Variants in MCC observed in about 807,000 individuals in gnomAD.
MCC encodes MCC regulator of Wnt signaling pathway.
Under a neutral mutation model 116.2 loss-of-function variants are expected in MCC, and 90 were observed. The ratio of observed to expected loss-of-function variants is 0.77; its 90% confidence interval spans 0.65 to 0.92. The LOEUF (loss-of-function observed/expected upper bound fraction) is 0.92, where lower values mean the gene tolerates loss of function less well. Among genes scored for constraint, MCC ranks in the 40% least tolerant of loss-of-function variants. The pLI, the probability that MCC is intolerant of heterozygous loss-of-function variation, is 0.00. For missense variants in MCC, 1,516 were observed against 1,312.2 expected (o/e 1.16, Z -2.40); for synonymous variants, 578 against 510.5 (o/e 1.13, Z -1.78).
chr5:113,092,206 A>G (rs1280467048), intron 8 of MCC, among the ~76,000 whole-genome samples: 2 of 152,216 alleles, frequency 1.3e-5, no homozygotes, highest in East Asian at 1.9e-4. Context: ...GTAGAGTATC[A>G]TGGATCATCT....
intron 10 of MCC, among the ~76,000 whole-genome samples, chr5:113,083,609 T>C (rs1297036003): frequency 6.6e-6 from 1 of 152,186 alleles, no homozygotes; most frequent in Non-Finnish European, 1.5e-5. Flanking sequence ...GCTCTTACAG[T>C]CCCAGGGGGT....
chr5:113,163,539 C>T (rs986098373), intron 3 of MCC, among the ~76,000 whole-genome samples: 7 of 152,012 alleles, frequency 4.6e-5, no homozygotes, highest in Non-Finnish European at 1.0e-4. Context: ...ACATCATATC[C>T]TAACATTTTT....
chr5:113,132,437 T>TACACACATAC (rs1758506205), intron 5 of MCC, among the ~76,000 whole-genome samples: 96 of 75,464 alleles, frequency 1.3e-3, no homozygotes, highest in African/African-American at 4.2e-3. Context: ...CATATATATA[T>TACACACATAC]ATATATACAC....
At chr5:113,255,961 A>T (rs1275784133) in intron 3 of MCC, among the ~76,000 whole-genome samples, 2 of 152,232 alleles carry the variant, frequency 1.3e-5, no homozygotes, top group African/African-American at 4.8e-5. Flanking sequence ...ATTTGATCTG[A>T]TTCAGCCACA....
chr5:113,180,186 T>C (rs1761548950), intron 3 of MCC, among the ~76,000 whole-genome samples: 1 of 152,294 alleles, frequency 6.6e-6, no homozygotes, highest in South Asian at 2.1e-4. Context: ...CTACTTATCG[T>C]CACGTGTTTT....
At chr5:113,226,465 G>A (rs1465683062) in intron 3 of MCC, among the ~76,000 whole-genome samples, 1 of 152,192 alleles carries the variant, frequency 6.6e-6, no homozygotes, top group African/African-American at 2.4e-5. Context: ...GAAGTGTTGT[G>A]GCACCCACGC....
chr5:113,393,816 G>C (rs919164300), intron 1 of MCC, among the ~76,000 whole-genome samples: 3 of 152,058 alleles, frequency 2.0e-5, no homozygotes, highest in African/African-American at 4.8e-5. Context: ...TCTTCCTTCA[G>C]TCTGTTAAAC....
At chr5:113,181,441 T>A (rs112696920) in intron 3 of MCC, among the ~76,000 whole-genome samples, 86 of 152,336 alleles carry the variant, frequency 5.6e-4, no homozygotes, top group African/African-American at 1.9e-3. Context: ...GAAGACAACA[T>A]GTTATGAACT....
chr5:113,354,782 GTATTATTAT>G (rs753455923), intron 2 of MCC, among the ~76,000 whole-genome samples: 2 of 70,804 alleles, frequency 2.8e-5, no homozygotes, highest in African/African-American at 7.4e-5. Flanking sequence ...CATATACCCT[GTATTATTAT>G]TATTATTATT....
intron 2 of MCC, among the ~76,000 whole-genome samples, chr5:113,364,238 GA>G (rs60976854): frequency 0.24 from 11,645 of 49,464 alleles, 220 homozygotes; most frequent in Non-Finnish European, 0.25. Flanking sequence ...CTCAAAAACA[GA>G]AAAAAAAAAA....
chr5:113,159,495 G>C (rs747871811), intron 3 of MCC, among the ~76,000 whole-genome samples: 1 of 152,156 alleles, frequency 6.6e-6, no homozygotes, highest in Non-Finnish European at 1.5e-5. Context: ...AGAGGTTCAA[G>C]GTTCATCAAA....
intron 6 of MCC, among the ~76,000 whole-genome samples, chr5:113,109,799 C>T (rs952954011): frequency 6.6e-6 from 1 of 151,958 alleles, no homozygotes; most frequent in African/African-American, 2.4e-5. Context: ...AAAAAATTTT[C>T]CCCTGTGGGT....
At chr5:113,485,698 C>T (rs1192867689) in intron 1 of MCC, among the ~76,000 whole-genome samples, 3 of 152,118 alleles carry the variant, frequency 2.0e-5, no homozygotes, top group South Asian at 2.1e-4. Context: ...CTGACACCAC[C>T]GCAGAGCTGC....
At chr5:113,261,073 G>T (rs1765203113) in intron 3 of MCC, among the ~76,000 whole-genome samples, 1 of 152,106 alleles carries the variant, frequency 6.6e-6, no homozygotes, top group Non-Finnish European at 1.5e-5. Flanking sequence ...TTACGATGGG[G>T]TCACATCCTG....
chr5:113,044,817 A>G (rs1751963208), intron 16 of MCC, among the ~76,000 whole-genome samples: 1 of 152,164 alleles, frequency 6.6e-6, no homozygotes, highest in African/African-American at 2.4e-5. Context: ...CAGGTAATCC[A>G]CCCACCTTGG....
At position 113,479,785 on chromosome 5, in the gene MCC, TTTC is replaced by T. The variant is rs1222769047; in HGVS notation, c.170+8457_170+8459del. On this transcript the variant is annotated intron_variant, in intron 1 of 18. Transcript: ENST00000408903. ...CTCCCACTTAGGTTCAGATTATATA[TTTC>T]TTAGTGACACTATGGTTTCATTGTA... Among the ~76,000 whole-genome samples the T allele has an allele frequency of 3.9e-5, 6 of 152,324 alleles. No individual in the cohort carries two copies. The East Asian group carries it at 7.7e-4, about 20-fold the overall frequency.
At chr5:113,140,792 T>C (rs531640121) in intron 5 of MCC, among the ~76,000 whole-genome samples, 2 of 152,316 alleles carry the variant, frequency 1.3e-5, no homozygotes, top group Admixed American at 6.5e-5. Context: ...CTGTCCAGTA[T>C]GACAAGCAAT....
intron 2 of MCC, among the ~76,000 whole-genome samples, chr5:113,357,687 G>A (rs537924937): frequency 1.9e-4 from 29 of 152,248 alleles, no homozygotes; most frequent in Admixed American, 4.6e-4. Context: ...ACTCATATAT[G>A]ACCTTCTAGG....
chr5:113,195,269 G>T (rs189354072), intron 3 of MCC, among the ~76,000 whole-genome samples: 1 of 152,286 alleles, frequency 6.6e-6, no homozygotes, highest in African/African-American at 2.4e-5. Flanking sequence ...GTTCCTTAAT[G>T]GCACCCAGCA....
Sources: gnomAD v4.1 joint callset for allele counts (sites outside exome capture counted in the v4.1 genomes callset) on GRCh38, gnomAD v4.1.1 for gene constraint, MANE v1.5 for transcripts, NCBI Gene and HGNC (gene_info 2026-07-23, HGNC 2026-07-21) for gene names.